IBSP: variants seen among roughly 807,000 people sequenced by gnomAD.
The protein encoded by IBSP is integrin binding sialoprotein, also known as integrin-binding sialoprotein.
In IBSP, 19 loss-of-function variants were observed where a neutral mutation model predicts 25.5. The ratio of observed to expected loss-of-function variants is 0.74; its 90% CI spans 0.52 to 1.09. The LOEUF (loss-of-function observed/expected upper bound fraction) is 1.09, where lower values mean the gene tolerates loss of function less well. IBSP is among the 50% of genes least tolerant of loss of function. IBSP has a pLI of 0.00. For missense variants in IBSP, 360 were observed against 382.3 expected, an observed-to-expected ratio of 0.94 and a Z score of 0.49; for synonymous variants, 144 against 137.6, an observed-to-expected ratio of 1.05 and a Z score of -0.33.
At chr4:87,803,612 A>G (rs1158531105) in intron 4 of IBSP, among the ~76,000 whole-genome samples, 1 of 152,226 alleles carries the variant, frequency 6.6e-6, no homozygotes, top group Non-Finnish European at 1.5e-5. Flanking sequence ...ACGATGCCTC[A>G]GCACAGTGGC....
intron 5 of IBSP, 64 bp from the exon 6 acceptor site, chr4:87,810,542 T>C (rs748472552): frequency 1.6e-6 from 2 of 1,249,888 alleles, no homozygotes; most frequent in Non-Finnish European, 1.2e-6. Flanking sequence ...GATTCACAGC[T>C]CCAGTAAATC....
intron 5 of IBSP, among the ~76,000 whole-genome samples, chr4:87,810,003 G>A (rs1028759692): frequency 1.3e-5 from 2 of 152,138 alleles, no homozygotes; most frequent in Non-Finnish European, 2.9e-5. Flanking sequence ...AGGTTGAGGC[G>A]GGCAGATCAC....
chr4:87,809,794 C>T (rs1300745176), intron 5 of IBSP, among the ~76,000 whole-genome samples: 1 of 151,904 alleles, frequency 6.6e-6, no homozygotes, highest in East Asian at 1.9e-4. Flanking sequence ...ATATAGGAAA[C>T]CTTGACTTTT....
intron 1 of IBSP, among the ~76,000 whole-genome samples, chr4:87,799,985 T>TATATATA (rs1721989585): frequency 1.3e-5 from 2 of 152,206 alleles, no homozygotes; most frequent in Admixed American, 1.3e-4. Flanking sequence ...GATATATGCA[T>TATATATA]ATTTCTCTAC....
chr4:87,803,852 G>T (rs1722056727), intron 4 of IBSP, among the ~76,000 whole-genome samples: 1 of 152,038 alleles, frequency 6.6e-6, no homozygotes, highest in Admixed American at 6.6e-5. Context: ...AGTTTGCTTT[G>T]TTCTCTTTTT....
At chr4:87,803,261 G>A (rs1337340299) in intron 4 of IBSP, among the ~76,000 whole-genome samples, 2 of 152,054 alleles carry the variant, frequency 1.3e-5, no homozygotes, top group Non-Finnish European at 2.9e-5. Flanking sequence ...TGGGTCACTA[G>A]AGCAATATGT....
intron 5 of IBSP, among the ~76,000 whole-genome samples, chr4:87,809,017 G>GGGA (rs1214768907): frequency 2.0e-5 from 3 of 152,164 alleles, no homozygotes; most frequent in Non-Finnish European, 2.9e-5. Flanking sequence ...AACCTTAGTA[G>GGGA]ATGGCAACCA....
At chr4:87,808,643 A>G (rs1044937985) in intron 5 of IBSP, among the ~76,000 whole-genome samples, 1 of 152,140 alleles carries the variant, frequency 6.6e-6, no homozygotes, top group Non-Finnish European at 1.5e-5. Flanking sequence ...TACCAAAGGC[A>G]AGCAGTATTT....
chr4:87,809,674 G>T (rs1722141370), intron 5 of IBSP, among the ~76,000 whole-genome samples: 1 of 152,050 alleles, frequency 6.6e-6, no homozygotes, highest in African/African-American at 2.4e-5. Context: ...TTTAATAATA[G>T]GCTAAATATT....
At chr4:87,804,915 ATTAAG>A (rs1158818914) in intron 4 of IBSP, among the ~76,000 whole-genome samples, 1 of 152,222 alleles carries the variant, frequency 6.6e-6, no homozygotes, top group Non-Finnish European at 1.5e-5. Flanking sequence ...GTCCTCTATA[ATTAAG>A]TTAACTAACA....
At position 87,811,923 on chromosome 4, in the gene IBSP, G is replaced by A. The variant is rs769487603; in HGVS notation, c.*13G>A. On this transcript the variant is annotated 3_prime_UTR_variant, in exon 7 of 7. Coordinates refer to ENST00000226284, the MANE Select transcript of IBSP (RefSeq NM_004967.4). ...CCACCACCAGTGAAGCTCCAGCCTGGGATGAATTCATCCATTCTGGCTTTG... is the reference window on the plus strand; with the variant it reads ...CCACCACCAGTGAAGCTCCAGCCTGAGATGAATTCATCCATTCTGGCTTTG... The A allele has an allele frequency of 2.7e-6, 4 of 1,508,658 alleles. No individual in the cohort carries two copies. The East Asian group carries it at 9.2e-5, about 35-fold the overall frequency. 93.5% of individuals were successfully genotyped at this position (1,508,658 alleles called of 1,614,324 possible).
intron 4 of IBSP, 46 bp downstream of exon 4, chr4:87,802,777 T>C: frequency 7.9e-7 from 1 of 1,258,192 alleles, no homozygotes; most frequent in Admixed American, 2.9e-5. Flanking sequence ...TCTATTATAA[T>C]TTAAAGGAGA....
intron 1 of IBSP, among the ~76,000 whole-genome samples, chr4:87,802,025 G>A (rs934958827): frequency 6.6e-6 from 1 of 152,122 alleles, no homozygotes; most frequent in African/African-American, 2.4e-5. Flanking sequence ...AATATTAAGA[G>A]GGCCATTACG....
At position 87,811,642 on chromosome 4, in the gene IBSP, C is replaced by A. The variant is rs1448153545; in HGVS notation, c.686C>A (p.Thr229Asn). 2 of 1,613,830 alleles carry A rather than the reference C, an allele frequency of 1.2e-6. No individual in the cohort carries two copies. Among genetic ancestry groups the A allele is most frequent in the South Asian group, 1.1e-5 (1 of 91,032 alleles). ...GGCAAGGGCACCTCGAAGACAACAACCTCTCCAAATGGTGGGTTTGAACCT... is the reference window on the plus strand; with the variant it reads ...GGCAAGGGCACCTCGAAGACAACAAACTCTCCAAATGGTGGGTTTGAACCT... Reference protein sequence around the residue: ...RQGKGTSKTTTSPNGGFEPTT... With the variant: ...RQGKGTSKTTNSPNGGFEPTT... The change falls in exon 7 of 7, where the codon ACC (threonine) becomes AAC (asparagine). Residue 229 changes from threonine (T) to asparagine (N), a missense_variant. Physicochemically the swap from Thr to Asn is moderately conservative, Grantham distance 65 (BLOSUM62 0). Transcript: ENST00000226284.
At position 87,811,329 on chromosome 4, in the gene IBSP, T is replaced by G. The variant is rs776026390; in HGVS notation, c.406-33T>G. The G allele has an allele frequency of 5.8e-6, 9 of 1,560,546 alleles. No individual in the cohort carries two copies. The East Asian group carries it at 1.8e-4, about 31-fold the overall frequency. On this transcript the variant is annotated intron_variant, in intron 6 of 6. Transcript: ENST00000226284. ...CCTTAAATTTTACATTTTTCACAGC[T>G]AGATTTGGGTTCTTTCAAACGTTTC...
chr4:87,808,373 G>GCAA (rs1722119929), intron 5 of IBSP, among the ~76,000 whole-genome samples: 2 of 151,956 alleles, frequency 1.3e-5, no homozygotes, highest in African/African-American at 4.8e-5. Context: ...AGTAGAGATG[G>GCAA]GGTTTCACCA....
intron 5 of IBSP, 150 bp from the exon 6 acceptor site, chr4:87,810,456 T>G: frequency 1.6e-6 from 1 of 619,310 alleles, no homozygotes; most frequent in Non-Finnish European, 2.9e-6. Context: ...GCAAATGGCA[T>G]AGGGGAAGGC....
In IBSP at chr4:87,811,547, T is replaced by TGGAGAAGAAGGG; in HGVS notation, c.593_604dup (p.Gly198_Gly201dup). 3 of 1,612,274 alleles carry TGGAGAAGAAGGG rather than the reference T, an allele frequency of 1.9e-6. No individual in the cohort carries two copies. Among genetic ancestry groups the TGGAGAAGAAGGG allele is most frequent in the Non-Finnish European group, 2.5e-6 (3 of 1,179,534 alleles). The stretch of plus-strand genomic sequence containing the variant: ...GCAACGGCAGCAGCGGAGGAGACAA[T>TGGAGAAGAAGGG]GGAGAAGAAGGGGAAGAAGAAAGTG... On this transcript the variant is annotated inframe_insertion, in exon 7 of 7. Transcript: ENST00000226284.
chr4:87,806,861 C>T (rs1373696985), intron 5 of IBSP, among the ~76,000 whole-genome samples: 1 of 151,920 alleles, frequency 6.6e-6, no homozygotes, highest in Non-Finnish European at 1.5e-5. Flanking sequence ...AAAAATTAGC[C>T]AGGTGTGGTG....
Sources: gnomAD v4.1 joint callset for allele counts (sites outside exome capture counted in the v4.1 genomes callset) on GRCh38, gnomAD v4.1.1 for gene constraint, MANE v1.5 for transcripts, NCBI Gene and HGNC (gene_info 2026-07-23, HGNC 2026-07-21) for gene names.